FSD2: variants seen among roughly 807,000 people sequenced by gnomAD.
FSD2 encodes fibronectin type III and SPRY domain containing 2, also known as fibronectin type III and SPRY domain-containing protein 2.
FSD2 carries 71 observed loss-of-function variants against 80.4 expected under a neutral mutation model. The ratio of observed to expected loss-of-function variants is 0.88; its 90% CI spans 0.73 to 1.08. The LOEUF (loss-of-function observed/expected upper bound fraction) is 1.08, where lower values mean the gene tolerates loss of function less well. Ranked by LOEUF, FSD2 falls within the 50% of genes least tolerant of loss-of-function variation. The probability of loss-of-function intolerance (pLI) is 0.00; values close to 1 mark genes in which losing one functional copy is unlikely to be tolerated. For missense variants in FSD2, 923 were observed against 913.8 expected (o/e 1.01, Z -0.13); for synonymous variants, 361 against 329.5 (o/e 1.10, Z -1.03).
intron 5 of FSD2, among the ~76,000 whole-genome samples, chr15:82,779,276 A>G (rs2049794396): frequency 6.6e-6 from 1 of 152,152 alleles, no homozygotes; most frequent in Non-Finnish European, 1.5e-5. Flanking sequence ...TCCTCTCCAC[A>G]TGGTCAAGTG....
At chr15:82,785,666 T>C (rs1426654263) in intron 3 of FSD2, among the ~76,000 whole-genome samples, 1 of 152,234 alleles carries the variant, frequency 6.6e-6, no homozygotes, top group Non-Finnish European at 1.5e-5. Flanking sequence ...AAAATATTCC[T>C]TTGTTTGAGT....
intron 4 of FSD2, among the ~76,000 whole-genome samples, chr15:82,782,456 G>A (rs1277757232): frequency 2.0e-5 from 3 of 152,134 alleles, no homozygotes; most frequent in African/African-American, 7.2e-5. Context: ...GTTAGAGCAC[G>A]GTTTTTGCTC....
At chr15:82,794,432 T>C (rs1298456028) in intron 1 of FSD2, among the ~76,000 whole-genome samples, 1 of 152,174 alleles carries the variant, frequency 6.6e-6, no homozygotes, top group Non-Finnish European at 1.5e-5. Flanking sequence ...CCATAGGCAT[T>C]TGGGAAGAAT....
chr15:82,773,519 G>A (rs370450009), intron 6 of FSD2, among the ~76,000 whole-genome samples: 27 of 152,166 alleles, frequency 1.8e-4, no homozygotes, highest in African/African-American at 6.0e-4. Flanking sequence ...GTGAGATCTG[G>A]ACACAGAAAA....
At chr15:82,768,318 G>A (rs879424881) in intron 9 of FSD2, among the ~76,000 whole-genome samples, 3 of 152,192 alleles carry the variant, frequency 2.0e-5, no homozygotes, top group Admixed American at 6.5e-5. Context: ...AAGCACCCCT[G>A]CATTCGCTGT....
chr15:82,765,082 C>T (rs2049382329), intron 11 of FSD2, 84 bp downstream of exon 11: 3 of 1,445,286 alleles, frequency 2.1e-6, no homozygotes, highest in South Asian at 1.5e-5. Context: ...GAGGCTGCCT[C>T]CGTGCCATAT....
Position 82,787,458 on chromosome 15 carries a change from A to C in FSD2, c.-68T>G. The C allele has an allele frequency of 6.9e-7, 1 of 1,447,528 alleles. No individual in the cohort carries two copies. Among genetic ancestry groups the C allele is most frequent in the Non-Finnish European group, 9.3e-7 (1 of 1,075,774 alleles). 89.7% of individuals were successfully genotyped at this position (1,447,528 alleles called of 1,614,324 possible). On this transcript the variant is annotated 5_prime_UTR_variant, in exon 2 of 13. Transcript: ENST00000334574. ...ATCCTTCCTGGACACTTAATAGTGA[A>C]TATCTGGGCCCTGGAACACAAAAGG...
chr15:82,776,931 A>G (rs1453289723), intron 6 of FSD2, among the ~76,000 whole-genome samples: 2 of 152,220 alleles, frequency 1.3e-5, no homozygotes, highest in African/African-American at 4.8e-5. Flanking sequence ...AAACCCATCC[A>G]AATGATCTTT....
chr15:82,769,930 G>C, intron 7 of FSD2, 46 bp from the exon 8 acceptor site: 1 of 1,608,164 alleles, frequency 6.2e-7, no homozygotes, highest in South Asian at 1.1e-5. Flanking sequence ...AACTGGCCAA[G>C]TGGCTCCAAT....
At chr15:82,767,049 G>A (rs949226437) in intron 9 of FSD2, among the ~76,000 whole-genome samples, 8 of 152,128 alleles carry the variant, frequency 5.3e-5, no homozygotes, top group African/African-American at 1.7e-4. Context: ...GGCCAGAGGG[G>A]CACTTTTACT....
intron 5 of FSD2, 84 bp downstream of exon 5, chr15:82,780,161 A>G: frequency 1.0e-6 from 1 of 968,168 alleles, no homozygotes; most frequent in Non-Finnish European, 1.6e-6. Flanking sequence ...CTGGAACCGT[A>G]TAACCAAATG....
At chr15:82,795,254 T>C (rs1305447478) in intron 1 of FSD2, among the ~76,000 whole-genome samples, 1 of 152,216 alleles carries the variant, frequency 6.6e-6, no homozygotes. Context: ...AATTTTTAAT[T>C]GATTCATTAT....
chr15:82,785,607 A>G (rs1303741505), intron 3 of FSD2, among the ~76,000 whole-genome samples: 1 of 152,218 alleles, frequency 6.6e-6, no homozygotes, highest in Non-Finnish European at 1.5e-5. Context: ...TACAGGCGTT[A>G]GCCACCGTGC....
chr15:82,791,382 T>A (rs893490989), intron 1 of FSD2, among the ~76,000 whole-genome samples: 20 of 151,594 alleles, frequency 1.3e-4, no homozygotes, highest in African/African-American at 4.1e-4. Flanking sequence ...ATTTTTAAAA[T>A]TTTTTTGAGA....
chr15:82,772,584 G>A (rs1451578279), intron 6 of FSD2, among the ~76,000 whole-genome samples: 3 of 152,178 alleles, frequency 2.0e-5, no homozygotes, highest in Non-Finnish European at 4.4e-5. Context: ...TGCTGCCTCA[G>A]CAGAGACAAA....
intron 5 of FSD2, 106 bp downstream of exon 5, chr15:82,780,139 C>G (rs1399642958): frequency 1.3e-6 from 1 of 774,812 alleles, no homozygotes; most frequent in South Asian, 1.7e-5. Flanking sequence ...AGGATTGACA[C>G]AAAAGCTGAA....
At chr15:82,778,119 A>C (rs886207119) in intron 6 of FSD2, among the ~76,000 whole-genome samples, 10 of 80,922 alleles carry the variant, frequency 1.2e-4, no homozygotes, top group African/African-American at 6.0e-4. Flanking sequence ...AAAAAAACAC[A>C]AAAAAACCAT....
intron 6 of FSD2, among the ~76,000 whole-genome samples, chr15:82,777,208 A>C (rs937908511): frequency 2.0e-5 from 3 of 152,234 alleles, no homozygotes; most frequent in Admixed American, 6.5e-5. Flanking sequence ...GCAACAAAAC[A>C]AAAAATAGGC....
At position 82,782,933 on chromosome 15, in the gene FSD2, A is replaced by C; in HGVS notation, c.828T>G (p.Ala276=). The C allele has an allele frequency of 6.2e-7, 1 of 1,613,406 alleles. No individual in the cohort carries two copies. Among genetic ancestry groups the C allele is most frequent in the African/African-American group, 1.3e-5 (1 of 74,824 alleles). Residue 276 remains alanine, a synonymous_variant, in exon 4 of 13, where the codon GCT becomes GCG. Transcript: ENST00000334574. ...GCTTCTCTTTCTTTTTCTCCCCTAG[A>C]GCTTGTATTTTTTCCTCATATTTTT... The part of the protein sequence containing the change: ...LAQKYEEKIQ[A]LGEKKKEKLE...
Sources: gnomAD v4.1 joint callset for allele counts (sites outside exome capture counted in the v4.1 genomes callset) on GRCh38, gnomAD v4.1.1 for gene constraint, MANE v1.5 for transcripts, NCBI Gene and HGNC (gene_info 2026-07-23, HGNC 2026-07-21) for gene names.